Variants in TMEM67 observed in about 807,000 individuals in gnomAD.
TMEM67 encodes the protein transmembrane protein 67.
In TMEM67, 124 loss-of-function variants were observed where a neutral mutation model predicts 136.6. That is an observed-to-expected ratio of 0.91 (90% CI 0.78 to 1.05). TMEM67 has a LOEUF of 1.05. TMEM67 is among the 50% of genes least tolerant of loss of function. TMEM67 has a pLI of 0.00. For missense variants in TMEM67, 1,107 were observed against 1,178.4 expected (o/e 0.94, Z 0.89); for synonymous variants, 364 against 390.5 (o/e 0.93, Z 0.80).
rs1247854097 is a variant in TMEM67 at position 93,754,942 on chromosome 8, G to A, written c.28G>A (p.Ala10Thr). MATRGGAGV[A>T]MAVWSLLSAR... ...GGCGACGCGCGGTGGGGCTGGGGTG[G>A]CAATGGCGGTTTGGTCCCTCTTATC... The change falls in exon 1 of 28, where the codon GCA becomes ACA. Residue 10 changes from alanine (A) to threonine (T), a missense_variant. Transcript: ENST00000453321. 2.5e-6 allele frequency: 4 copies of A among 1,613,868 alleles called. No individual in the cohort carries two copies. Among genetic ancestry groups the A allele is most frequent in the East Asian group, 4.5e-5 (2 of 44,904 alleles).
At position 93,781,754 on chromosome 8, in the gene TMEM67, A is replaced by G. The variant is rs1362141356; in HGVS notation, c.1065+10A>G. The G allele has an allele frequency of 6.5e-7, 1 of 1,534,760 alleles. No homozygotes were observed. The highest frequency in any genetic ancestry group is 9.0e-7 in the Non-Finnish European group (1 of 1,112,624). Reference sequence around the variant, plus strand: ...AGGAGGTGTTTTACAGGTAAGCATGATTCTAGTTAAAGAATTAATAACATG... The same window carrying G: ...AGGAGGTGTTTTACAGGTAAGCATGGTTCTAGTTAAAGAATTAATAACATG... On this transcript the variant is annotated intron_variant, in intron 10 of 27. Transcript: ENST00000453321.
intron 24 of TMEM67, 42 bp from the exon 25 acceptor site, chr8:93,809,015 A>AT: frequency 6.5e-7 from 1 of 1,539,546 alleles, no homozygotes; most frequent in Non-Finnish European, 9.0e-7. Flanking sequence ...TTTAGATACC[A>AT]AGAACATAAC....
chr8:93,816,452 A>G lies in TMEM67; in HGVS notation c.2988A>G (p.Ter996=), dbSNP rs1465302709. 2 of 1,562,416 alleles carry G rather than the reference A, an allele frequency of 1.3e-6. No homozygotes were observed. The highest frequency in any genetic ancestry group is 1.1e-5 in the South Asian group (1 of 89,038). ...KTLVDQRFLI[*] ...TGGTGGATCAAAGATTTTTGATTTA[A>G]CTTCCTGAATAAATAACTTAAAGAC... is the stretch of plus-strand genomic sequence containing the variant. The change falls in exon 28 of 28, where the codon TAA becomes TAG. Residue 996 remains the stop codon, a stop_retained_variant. Transcript: ENST00000453321.
rs942758910 is a variant in TMEM67 at position 93,782,391 on chromosome 8, G to A, written c.1066-4G>A. ...GATTTATCTGTTGTATTATTTTGCT[G>A]CAGCTTTGTCCAGACACAGAGACAA... On this transcript the variant is annotated splice_polypyrimidine_tract_variant and splice_region_variant and intron_variant, in intron 10 of 27. Coordinates refer to ENST00000453321, the MANE Select transcript of TMEM67 (RefSeq NM_153704.6). 13 of 1,609,506 alleles carry A rather than the reference G, an allele frequency of 8.1e-6. No individual in the cohort carries two copies. In the East Asian group the frequency reaches 2.0e-4, roughly 25 times the overall value.
chr8:93,799,846 C>T lies in TMEM67; in HGVS notation c.2241+88C>T, dbSNP rs990095900. On this transcript the variant is annotated intron_variant, in intron 21 of 27. Transcript: ENST00000453321. ...TTACTGATTATCATCAAATATTGACCACATCCTTCTTTCTGTAGCAGAAAG... is the reference window on the plus strand; with the variant it reads ...TTACTGATTATCATCAAATATTGACTACATCCTTCTTTCTGTAGCAGAAAG... The T allele has an allele frequency of 1.0e-5, 11 of 1,095,662 alleles. No homozygotes were observed. The Admixed American group carries it at 1.2e-4, about 12-fold the overall frequency. The allele number at this position is 1,095,662 out of a possible 1,614,324, so 67.9% of individuals were successfully genotyped here.
At chr8:93,762,415 T>C (rs1812887501) in intron 3 of TMEM67, among the ~76,000 whole-genome samples, 1 of 151,596 alleles carries the variant, frequency 6.6e-6, no homozygotes, top group Non-Finnish European at 1.5e-5. Context: ...CAAGCTGGTC[T>C]TGAACTCCTG....
At position 93,782,453 on chromosome 8, in the gene TMEM67, A is replaced by G; in HGVS notation, c.1124A>G (p.Gln375Arg). 8.7e-6 allele frequency: 14 copies of G among 1,612,178 alleles called. No homozygotes were observed. Among genetic ancestry groups the G allele is most frequent in the Non-Finnish European group, 1.2e-5 (14 of 1,179,052 alleles). The change falls in exon 11 of 28, where the codon CAA (glutamine) becomes CGA (arginine). Residue 375 changes from glutamine (Q) to arginine (R), a missense_variant. Gln to Arg is a conservative substitution (Grantham distance 43). Around this residue, in one of 3 missense-constraint regions of TMEM67, gnomAD observed 925 missense variants for 1,002.4 expected, o/e 0.92. Coordinates refer to ENST00000453321, the MANE Select transcript of TMEM67 (RefSeq NM_153704.6). ...GCTTATTCATTTGGAACAACCTACC[A>G]ACAAAATGTAAGTTTGAACGATATT... ...NAAYSFGTTYQQNCEIPISKI... is the reference protein window; with the variant it reads ...NAAYSFGTTYRQNCEIPISKI...
chr8:93,756,907 C>T (rs1254050681), intron 2 of TMEM67: 1 of 151,882 alleles, frequency 6.6e-6, no homozygotes, highest in Non-Finnish European at 1.5e-5. Context: ...AACCCCATCT[C>T]TACTAAAAAT....
intron 13 of TMEM67, 137 bp from the exon 14 acceptor site, chr8:93,787,707 C>T (rs571852155): frequency 1.7e-5 from 12 of 700,802 alleles, no homozygotes; most frequent in South Asian, 1.5e-4. Context: ...TATGTGTAAC[C>T]TTCCTTAGTC....
In TMEM67 at chr8:93,755,010, C is replaced by T. The variant is rs1812501864; in HGVS notation, c.96C>T (p.Arg32=). Residue 32 remains arginine (R), a synonymous_variant, in exon 1 of 28, where the codon CGC becomes CGT. Coordinates refer to ENST00000453321, the MANE Select transcript of TMEM67 (RefSeq NM_153704.6). ...CGTTCCTTCTGTTGTTCCTCCCTCG[C>T]TTCTTACAGGCCCAGACCTTCTCTT... ...VTAFLLLFLP[R]FLQAQTFSFP... 1 of 1,614,240 alleles carries T rather than the reference C, an allele frequency of 6.2e-7. No homozygotes were observed. The highest frequency in any genetic ancestry group is 2.2e-5 in the East Asian group (1 of 44,892).
At chr8:93,823,473 T>TGATA (rs1029940060), downstream of TMEM67, among the ~76,000 whole-genome samples, 6 of 151,996 alleles carry the variant, frequency 3.9e-5, no homozygotes, top group African/African-American at 1.5e-4. Context: ...GAACACTATC[T>TGATA]ATCTGTAGGG....
At chr8:93,756,106 TAAG>T (rs1305875062) in intron 2 of TMEM67, 1 of 393,042 alleles carries the variant, frequency 2.5e-6, no homozygotes. Context: ...TGTAAAAATT[TAAG>T]TTTTTGTTTT....
intron 3 of TMEM67, among the ~76,000 whole-genome samples, chr8:93,761,634 T>A (rs1373467630): frequency 1.3e-5 from 2 of 152,200 alleles, no homozygotes; most frequent in African/African-American, 4.8e-5. Flanking sequence ...TACAATGGTA[T>A]AGAATGCAAT....
chr8:93,764,501 A>AAC (rs5893257), intron 4 of TMEM67, among the ~76,000 whole-genome samples: 98 of 149,974 alleles, frequency 6.5e-4, no homozygotes, highest in East Asian at 2.6e-3. Context: ...GTATTTGTGA[A>AAC]ACACACACAC....
At chr8:93,795,023 A>G (rs73694959) in intron 16 of TMEM67, 3,002 of 252,620 alleles carry the variant, frequency 0.012, 93 homozygotes, top group African/African-American at 0.061. Flanking sequence ...TTATATTGCA[A>G]TGAGGAGTTG....
intron 4 of TMEM67, among the ~76,000 whole-genome samples, chr8:93,764,997 T>G (rs1376141106): frequency 6.6e-6 from 1 of 152,232 alleles, no homozygotes; most frequent in Non-Finnish European, 1.5e-5. Flanking sequence ...GAGCTAGAGA[T>G]ACATTTCTCT....
chr8:93,784,537 A>G (rs1054694816), intron 11 of TMEM67, among the ~76,000 whole-genome samples: 1 of 152,248 alleles, frequency 6.6e-6, no homozygotes. Flanking sequence ...AGAATTGCAA[A>G]GAATGTGATA....
At chr8:93,785,634 G>A (rs890535428) in intron 12 of TMEM67, 4 of 350,700 alleles carry the variant, frequency 1.1e-5, no homozygotes, top group Non-Finnish European at 2.0e-5. Flanking sequence ...TAGTAGAACC[G>A]TAAATTGGGG....
intron 2 of TMEM67, chr8:93,756,793 A>G (rs1812591117): frequency 6.6e-6 from 1 of 152,210 alleles, no homozygotes; most frequent in South Asian, 2.1e-4. Context: ...TGTCCTGTAT[A>G]GGCCAGGCAC....
Sources: gnomAD v4.1 joint callset for allele counts (sites outside exome capture counted in the v4.1 genomes callset) on GRCh38, gnomAD v4.1.1 for gene constraint, gnomAD v4.1.1 regional missense constraint, MANE v1.5 for transcripts, NCBI Gene and HGNC (gene_info 2026-07-23, HGNC 2026-07-21) for gene names.